The following DMD variants were observed in gnomAD, a reference collection of about 807,000 sequenced individuals.
DMD encodes mutant dystrophin.
In DMD, 63 loss-of-function variants were observed where a neutral mutation model predicts 330.1. The ratio of observed to expected loss-of-function variants is 0.19; its 90% confidence interval spans 0.16 to 0.24. The LOEUF (loss-of-function observed/expected upper bound fraction) is 0.24, where lower values mean the gene tolerates loss of function less well. Among genes scored for constraint, DMD ranks in the 10% least tolerant of loss-of-function variants. The pLI is 1.00. For missense variants in DMD, 3,344 were observed against 2,684.1 expected (o/e 1.25, Z -5.43); for synonymous variants, 1,223 against 959.8 (o/e 1.27, Z -5.07).
intron 7 of DMD, among the ~76,000 whole-genome samples, chrX:32,752,148 C>CA (rs1275527981): frequency 9.0e-6 from 1 of 111,642 alleles, no homozygotes; most frequent in East Asian, 2.8e-4. Context: ...AAAAGAGGGC[C>CA]ACTGTCCTCC....
intron 54 of DMD, among the ~76,000 whole-genome samples, chrX:31,645,399 G>GA (rs1213880007): frequency 1.8e-5 from 2 of 111,880 alleles, no homozygotes; most frequent in Admixed American, 1.9e-4. Context: ...AATATTCCCA[G>GA]AAAAAAGTCC....
intron 34 of DMD, among the ~76,000 whole-genome samples, chrX:32,379,920 T>TAA (rs1186423994): frequency 9.6e-6 from 1 of 103,698 alleles, no homozygotes; most frequent in East Asian, 3.0e-4. Flanking sequence ...GAATAAACAG[T>TAA]AAAAAAAAAA....
intron 9 of DMD, among the ~76,000 whole-genome samples, chrX:32,661,359 A>C (rs1030190414): frequency 2.7e-5 from 3 of 109,550 alleles, no homozygotes; most frequent in African/African-American, 1.0e-4. Context: ...ACCTCACAAC[A>C]TAAGGGATGA....
chrX:32,304,256 T>C (rs2097533141), intron 42 of DMD, among the ~76,000 whole-genome samples: 1 of 111,386 alleles, frequency 9.0e-6, no homozygotes, highest in Admixed American at 9.6e-5. Context: ...GATTTGTAAG[T>C]TTTAATATGG....
chrX:33,158,967 T>C (rs181197902), intron 1 of DMD, among the ~76,000 whole-genome samples: 59 of 111,970 alleles, frequency 5.3e-4, no homozygotes, highest in African/African-American at 1.8e-3. Flanking sequence ...CATACATCAA[T>C]ATTTTTAAAC....
At chrX:31,517,184 C>T (rs927252562) in intron 55 of DMD, among the ~76,000 whole-genome samples, 1 of 111,349 alleles carries the variant, frequency 9.0e-6, no homozygotes, top group African/African-American at 3.3e-5. Flanking sequence ...TAAGTAGGGC[C>T]GATAATACCT....
intron 53 of DMD, among the ~76,000 whole-genome samples, chrX:31,667,805 C>G (rs757317908): frequency 5.2e-4 from 57 of 110,489 alleles, no homozygotes; most frequent in Non-Finnish European, 8.0e-4. Context: ...TACTGTGTAC[C>G]CACAAAAATT....
intron 60 of DMD, among the ~76,000 whole-genome samples, chrX:31,351,736 A>C (rs1199483168): frequency 9.3e-6 from 1 of 108,069 alleles, no homozygotes; most frequent in African/African-American, 3.4e-5. Context: ...AAAAAAAAAA[A>C]AAAAAAAAGC....
chrX:31,404,848 C>T (rs1194699660), intron 60 of DMD, among the ~76,000 whole-genome samples: 4 of 112,151 alleles, frequency 3.6e-5, no homozygotes, highest in African/African-American at 9.7e-5. Flanking sequence ...TGGTTAAATG[C>T]TTTCAAATTG....
At chrX:32,051,712 A>G (rs1267151182) in intron 44 of DMD, among the ~76,000 whole-genome samples, 1 of 111,403 alleles carries the variant, frequency 9.0e-6, no homozygotes, top group African/African-American at 3.3e-5. Flanking sequence ...GCTTATTCAC[A>G]TAATCAAGGC....
intron 1 of DMD, among the ~76,000 whole-genome samples, chrX:33,158,094 T>C (rs971360323): frequency 1.1e-4 from 12 of 112,497 alleles, no homozygotes; most frequent in African/African-American, 3.9e-4. Flanking sequence ...GGCATAATTA[T>C]TATAATAAAA....
At chrX:32,671,188 C>A in intron 9 of DMD, among the ~76,000 whole-genome samples, 1 of 110,557 alleles carries the variant, frequency 9.0e-6, no homozygotes, top group Non-Finnish European at 1.9e-5. Context: ...TTGGATCTTT[C>A]AGAAATTTGG....
intron 1 of DMD, among the ~76,000 whole-genome samples, chrX:33,217,752 T>A (rs932668431): frequency 8.9e-6 from 1 of 111,798 alleles, no homozygotes; most frequent in African/African-American, 3.2e-5. Flanking sequence ...TGAAACTTCA[T>A]ATTCATTGAT....
intron 42 of DMD, among the ~76,000 whole-genome samples, chrX:32,296,711 T>G (rs1244942956): frequency 9.0e-6 from 1 of 111,296 alleles, no homozygotes; most frequent in Admixed American, 9.5e-5. Context: ...GTTCTCTCAG[T>G]CAAAAATTTC....
intron 44 of DMD, among the ~76,000 whole-genome samples, chrX:32,070,793 G>C (rs1404028755): frequency 1.8e-5 from 2 of 111,151 alleles, no homozygotes; most frequent in African/African-American, 6.6e-5. Flanking sequence ...GCATAAGAAT[G>C]ATACAATGGG....
intron 59 of DMD, among the ~76,000 whole-genome samples, chrX:31,472,093 TGAAA>T (rs949484636): frequency 1.8e-5 from 2 of 112,401 alleles, no homozygotes; most frequent in African/African-American, 6.5e-5. Flanking sequence ...ACAACAACAA[TGAAA>T]GCCTCCACAC....
intron 74 of DMD, among the ~76,000 whole-genome samples, chrX:31,151,307 C>T (rs1287256123): frequency 1.8e-5 from 2 of 112,598 alleles, no homozygotes; most frequent in East Asian, 5.5e-4. Flanking sequence ...AATGTTCTAA[C>T]TGGCAACACT....
intron 50 of DMD, among the ~76,000 whole-genome samples, chrX:31,785,770 G>A (rs1461835585): frequency 9.0e-6 from 1 of 111,336 alleles, no homozygotes; most frequent in African/African-American, 3.3e-5. Context: ...TCCTTACAAA[G>A]GACACGAACG....
intron 55 of DMD, among the ~76,000 whole-genome samples, chrX:31,552,671 A>G (rs760771315): frequency 8.9e-5 from 10 of 112,006 alleles, no homozygotes; most frequent in Non-Finnish European, 1.5e-4. Flanking sequence ...AGAACATTTC[A>G]GTGGTGAAGA....
Sources: allele counts gnomAD v4.1 joint callset (sites outside exome capture counted in the v4.1 genomes callset), GRCh38; gene constraint gnomAD v4.1.1; transcripts MANE v1.5; gene names NCBI Gene and HGNC (gene_info 2026-07-23, HGNC 2026-07-21).